The following AKR7A3 variants were observed in gnomAD, a reference collection of about 807,000 sequenced individuals.
The protein encoded by AKR7A3 is AFB1 aldehyde reductase 2.
AKR7A3 carries 37 observed loss-of-function variants against 32.5 expected under a neutral mutation model. That is an observed-to-expected ratio of 1.14 (90% CI 0.88 to 1.50). The LOEUF (loss-of-function observed/expected upper bound fraction) is 1.50. Ranked by LOEUF, AKR7A3 falls within the 40% of genes most tolerant of loss-of-function variation. The pLI is 0.00. For synonymous variants in AKR7A3, 177 were observed against 188.4 expected (o/e 0.94, Z 0.50); for missense variants, 412 against 453.2 (o/e 0.91, Z 0.83).
At chr1:19,281,550 A>G (rs569961739), downstream of AKR7A3, among the ~76,000 whole-genome samples, 3 of 151,780 alleles carry the variant, frequency 2.0e-5, no homozygotes, top group Admixed American at 2.0e-4. Flanking sequence ...CAGGAGAATC[A>G]CTTGAACCCA....
At position 19,286,282 on chromosome 1, in the gene AKR7A3, A is replaced by G; in HGVS notation, c.305T>C (p.Leu102Pro). Reference sequence around the variant, plus strand: ...GAAGAGGTCCACTCGGGGACACTGCAGCCGCTTCAGTGACGTCTCCAGCTG... The same window carrying G: ...GAAGAGGTCCACTCGGGGACACTGCGGCCGCTTCAGTGACGTCTCCAGCTG... ...RFQLETSLKR[L>P]QCPRVDLFYL... Residue 102 changes from leucine (L) to proline (P), a missense_variant, in exon 2 of 7, where the codon CTG becomes CCG. Transcript: ENST00000361640. The G allele has an allele frequency of 6.2e-7, 1 of 1,613,940 alleles. No individual in the cohort carries two copies. The highest frequency in any genetic ancestry group is 8.5e-7 in the Non-Finnish European group (1 of 1,180,036).
chr1:19,282,158 A>G (rs1164964710), downstream of AKR7A3, among the ~76,000 whole-genome samples: 1 of 151,768 alleles, frequency 6.6e-6, no homozygotes, highest in Non-Finnish European at 1.5e-5. Flanking sequence ...TCATCAGGGT[A>G]TTTTGTCCCC....
Position 19,284,007 on chromosome 1 carries a change from A to G in AKR7A3, c.823T>C (p.Ser275Pro). The change falls in exon 6 of 7, where the codon TCA becomes CCA. Residue 275 changes from serine (S) to proline (P), a missense_variant. Transcript: ENST00000361640. ...GGGTCACTGGTTACCTGCAGCTGTG[A>G]GTGGTGGTACATCCACCGGAGGGTG... is the stretch of plus-strand genomic sequence containing the variant. ...SATLRWMYHH[S>P]QLQGAHGDAV... The G allele has an allele frequency of 6.2e-7, 1 of 1,613,258 alleles. No homozygotes were observed. The highest frequency in any genetic ancestry group is 8.5e-7 in the Non-Finnish European group (1 of 1,179,860).
rs1061670 is a variant in AKR7A3, at chr1:19,282,719, G to A, written c.*12C>T. The A allele has an allele frequency of 1.2e-6, 2 of 1,613,866 alleles. No individual in the cohort carries two copies. ...TACAGAAGAGCCTTGGGCAGCCTGA[G>A]AAACGATGGGCCTAGCGGAAGTAGT... On this transcript the variant is annotated 3_prime_UTR_variant, in exon 7 of 7. Coordinates refer to ENST00000361640, the MANE Select transcript of AKR7A3 (RefSeq NM_012067.3).
rs776959660 is a variant in AKR7A3, at chr1:19,285,036, C to T, written c.586G>A (p.Ala196Thr). 5.0e-6 allele frequency: 8 copies of T among 1,612,696 alleles called. No individual in the cohort carries two copies. In the Admixed American group the frequency reaches 1.3e-4, roughly 27 times the overall value. Reference protein sequence around the residue: ...CLRHFGLRFYAFNPLAGGLLT... With the variant: ...CLRHFGLRFYTFNPLAGGLLT... The stretch of plus-strand genomic sequence containing the variant: ...CACGTACCAGCCAGAGGGTTGAAGG[C>T]ATAGAACCTCAGTCCAAAGTGCCTG... The change falls in exon 4 of 7, where the codon GCC becomes ACC. Residue 196 changes from alanine (A) to threonine (T), a missense_variant. Ala to Thr is a moderately conservative substitution (Grantham distance 58, BLOSUM62 0). Coordinates refer to ENST00000361640, the MANE Select transcript of AKR7A3 (RefSeq NM_012067.3).
chr1:19,283,881 T>C (rs1377520907), intron 6 of AKR7A3, 115 bp downstream of exon 6: 106 of 1,516,008 alleles, frequency 7.0e-5, no homozygotes, highest in Non-Finnish European at 9.0e-5. Context: ...TTTGTGAGAG[T>C]TGAAAGAAAG....
At chr1:19,286,489 G>T in intron 1 of AKR7A3, 117 bp from the exon 2 acceptor site, 1 of 1,042,734 alleles carries the variant, frequency 9.6e-7, no homozygotes, top group Non-Finnish European at 1.4e-6. Context: ...AGACCAGCTG[G>T]ACCAACATGG....
chr1:19,283,356 G>A (rs1375359180), intron 6 of AKR7A3, among the ~76,000 whole-genome samples: 1 of 151,906 alleles, frequency 6.6e-6, no homozygotes, highest in South Asian at 2.1e-4. Flanking sequence ...CCACCAAAAG[G>A]ATGAGACTAG....
intron 5 of AKR7A3, among the ~76,000 whole-genome samples, 181 bp downstream of exon 5, chr1:19,284,505 C>A (rs116582396): frequency 0.028 from 4,292 of 151,954 alleles, 78 homozygotes; most frequent in South Asian, 0.053. Flanking sequence ...AGGGAGTCTC[C>A]TTTCCTCCTG....
At chr1:19,280,725 C>T (rs2093717478), downstream of AKR7A3, among the ~76,000 whole-genome samples, 1 of 151,620 alleles carries the variant, frequency 6.6e-6, no homozygotes, top group Non-Finnish European at 1.5e-5. Flanking sequence ...CACCCGCCAC[C>T]ACGCCCAGCT....
At chr1:19,286,134 G>T (rs915728507) in intron 2 of AKR7A3, 51 bp downstream of exon 2, 4 of 1,602,120 alleles carry the variant, frequency 2.5e-6, no homozygotes, top group Non-Finnish European at 3.4e-6. Context: ...TTAGGATCAG[G>T]ATAAGGAGAG....
chr1:19,282,439 A>T (rs184013887), downstream of AKR7A3: 24 of 462,050 alleles, frequency 5.2e-5, no homozygotes, highest in East Asian at 1.0e-3. Flanking sequence ...GGCCCTCACC[A>T]AGAGCAGATG....
chr1:19,281,865 G>C (rs143521120), downstream of AKR7A3, among the ~76,000 whole-genome samples: 1 of 151,938 alleles, frequency 6.6e-6, no homozygotes, highest in Admixed American at 6.5e-5. Context: ...TCAGACTTGC[G>C]TGGGCCTGTT....
rs2093726956 is a variant in AKR7A3 at position 19,285,068 on chromosome 1, G to A, written c.554C>T (p.Pro185Leu). The A allele has an allele frequency of 6.8e-6, 11 of 1,613,354 alleles. No individual in the cohort carries two copies. The highest frequency in any genetic ancestry group is 9.3e-6 in the Non-Finnish European group (11 of 1,179,856). The change falls in exon 4 of 7, where the codon CCC becomes CTC. Residue 185 changes from proline (P) to leucine (L), a missense_variant. Physicochemically the swap from Pro to Leu is moderately conservative, Grantham distance 98. Coordinates refer to ENST00000361640, the MANE Select transcript of AKR7A3 (RefSeq NM_012067.3). ...ITRQVETELFPCLRHFGLRFY... is the reference protein window; with the variant it reads ...ITRQVETELFLCLRHFGLRFY... ...CCTCAGTCCAAAGTGCCTGAGGCAG[G>A]GGAAGAGCTCCGTTTCCACCTGCCG...
intron 6 of AKR7A3, 151 bp from the exon 7 acceptor site, chr1:19,283,043 G>C: frequency 1.4e-6 from 1 of 713,570 alleles, no homozygotes; most frequent in Non-Finnish European, 2.4e-6. Context: ...CTGTACCCAT[G>C]TGACGCAAAA....
At chr1:19,274,914 A>AAAAAAAAAAAAAAAAAAAAAC in the AKR7A3 span, among the ~76,000 whole-genome samples, 1 of 148,894 alleles carries the variant, frequency 6.7e-6, no homozygotes, top group Non-Finnish European at 1.5e-5. Context: ...AAAAAAAAAA[A>AAAAAAAAAAAAAAAAAAAAAC]AGACCAATAG....
chr1:19,283,703 C>T (rs144948424), intron 6 of AKR7A3, among the ~76,000 whole-genome samples: 4,288 of 151,906 alleles, frequency 0.028, 80 homozygotes, highest in South Asian at 0.054. Context: ...TGGTGGCGCA[C>T]GCCTGTAATC....
At chr1:19,275,347 G>A in the AKR7A3 span, among the ~76,000 whole-genome samples, 228 of 151,736 alleles carry the variant, frequency 1.5e-3, 5 homozygotes, top group Admixed American at 0.015. Context: ...GGAGGCGGAG[G>A]TTGCAGTGAG....
At chr1:19,280,007 T>G (rs995668874), downstream of AKR7A3, among the ~76,000 whole-genome samples, 11 of 151,836 alleles carry the variant, frequency 7.2e-5, 1 homozygote, top group African/African-American at 2.4e-4. Context: ...CTTCTTCCAG[T>G]GTGGCCCAGG....
Sources: allele counts gnomAD v4.1 joint callset (sites outside exome capture counted in the v4.1 genomes callset), GRCh38; gene constraint gnomAD v4.1.1; transcripts MANE v1.5; gene names NCBI Gene and HGNC (gene_info 2026-07-23, HGNC 2026-07-21).